The following VWA3B variants were observed in gnomAD, a reference collection of about 807,000 sequenced individuals.
The protein encoded by VWA3B is von Willebrand factor A domain-containing protein 3B.
A neutral mutation model predicts 158.3 loss-of-function variants in VWA3B; 138 were observed. That is an observed-to-expected ratio of 0.87 (90% confidence interval 0.76 to 1.00). The LOEUF is 1.00. Ranked by LOEUF, VWA3B falls within the 50% of genes least tolerant of loss-of-function variation. The pLI, the probability that VWA3B is intolerant of heterozygous loss-of-function variation, is 0.00. For synonymous variants in VWA3B, 596 were observed against 587.3 expected (o/e 1.01, Z -0.21); for missense variants, 1,555 against 1,565.1 (o/e 0.99, Z 0.11).
intron 8 of VWA3B, among the ~76,000 whole-genome samples, chr2:98,167,694 T>G (rs1029133586): frequency 1.3e-5 from 2 of 152,192 alleles, no homozygotes; most frequent in African/African-American, 2.4e-5. Context: ...AGAATTCATT[T>G]GAATACTGAT....
At chr2:98,193,826 G>T (rs1332714457) in intron 11 of VWA3B, among the ~76,000 whole-genome samples, 1 of 151,870 alleles carries the variant, frequency 6.6e-6, no homozygotes, top group Non-Finnish European at 1.5e-5. Flanking sequence ...CTGACCTCGT[G>T]ATCCGCCCGC....
intron 11 of VWA3B, among the ~76,000 whole-genome samples, chr2:98,193,868 G>A (rs1425823899): frequency 6.6e-6 from 1 of 152,174 alleles, no homozygotes; most frequent in Non-Finnish European, 1.5e-5. Context: ...GACTACAGGC[G>A]TGAGCCACCG....
intron 22 of VWA3B, among the ~76,000 whole-genome samples, chr2:98,272,508 G>T (rs950013050): frequency 6.6e-6 from 1 of 152,058 alleles, no homozygotes; most frequent in Non-Finnish European, 1.5e-5. Flanking sequence ...AGGGATGATC[G>T]ATTAAAGCAT....
At chr2:98,215,987 A>T (rs1683955549) in intron 13 of VWA3B, among the ~76,000 whole-genome samples, 1 of 152,084 alleles carries the variant, frequency 6.6e-6, no homozygotes, top group African/African-American at 2.4e-5. Context: ...CTCAATTTCC[A>T]TTTTTTGCTT....
intron 19 of VWA3B, among the ~76,000 whole-genome samples, chr2:98,243,313 T>A (rs922847348): frequency 6.6e-6 from 1 of 152,078 alleles, no homozygotes; most frequent in African/African-American, 2.4e-5. Context: ...TTCTACAAGT[T>A]TAGATTGAAA....
chr2:98,099,344 G>C (rs978603815), intron 2 of VWA3B: 2 of 152,184 alleles, frequency 1.3e-5, no homozygotes, highest in Non-Finnish European at 1.5e-5. Flanking sequence ...GCTTTGGTGA[G>C]TACAGAATTC....
intron 8 of VWA3B, among the ~76,000 whole-genome samples, chr2:98,170,755 C>T (rs577488005): frequency 7.9e-5 from 12 of 152,004 alleles, no homozygotes; most frequent in East Asian, 1.9e-4. Context: ...TACAGGTGTG[C>T]GCCACCATGC....
intron 7 of VWA3B, among the ~76,000 whole-genome samples, chr2:98,136,581 G>A (rs144814794): frequency 1.4e-3 from 211 of 150,408 alleles, no homozygotes; most frequent in African/African-American, 4.9e-3. Flanking sequence ...GCACCCTCAC[G>A]GGCAGAAGAG....
intron 7 of VWA3B, among the ~76,000 whole-genome samples, chr2:98,151,792 G>A (rs1213897492): frequency 1.3e-5 from 2 of 152,178 alleles, no homozygotes; most frequent in Non-Finnish European, 2.9e-5. Flanking sequence ...CAGTTTCTGG[G>A]AGAATTAAAG....
chr2:98,170,592 G>T (rs1679500255), intron 8 of VWA3B, among the ~76,000 whole-genome samples: 1 of 150,216 alleles, frequency 6.7e-6, no homozygotes, highest in Admixed American at 6.7e-5. Context: ...GAAGTACACA[G>T]ACTCAGAGTT....
intron 7 of VWA3B, among the ~76,000 whole-genome samples, chr2:98,153,457 A>T (rs1451896284): frequency 2.6e-5 from 4 of 152,198 alleles, no homozygotes; most frequent in Non-Finnish European, 4.4e-5. Context: ...GCATGAACTA[A>T]GACTAAATAT....
chr2:98,246,879 C>G (rs1009842289), intron 19 of VWA3B, among the ~76,000 whole-genome samples: 2 of 151,844 alleles, frequency 1.3e-5, no homozygotes, highest in Non-Finnish European at 2.9e-5. Flanking sequence ...TTTGTAAATA[C>G]GAATATATTT....
intron 2 of VWA3B, among the ~76,000 whole-genome samples, chr2:98,096,113 G>A (rs189896896): frequency 3.4e-4 from 51 of 152,204 alleles, no homozygotes; most frequent in East Asian, 9.6e-4. Context: ...TGGTTTTGGC[G>A]TCAGGGTAAT....
At chr2:98,316,788 G>A (rs950088906), downstream of VWA3B, among the ~76,000 whole-genome samples, 1 of 151,990 alleles carries the variant, frequency 6.6e-6, no homozygotes, top group African/African-American at 2.4e-5. Flanking sequence ...GTTCTTAGGA[G>A]ATCGGTTGTT....
At chr2:98,270,313 G>A (rs1219156009) in intron 21 of VWA3B, among the ~76,000 whole-genome samples, 1 of 152,192 alleles carries the variant, frequency 6.6e-6, no homozygotes, top group Non-Finnish European at 1.5e-5. Context: ...GCATACTTGT[G>A]TGAAATCTCT....
chr2:98,299,007 G>T (rs1690013808), intron 24 of VWA3B, among the ~76,000 whole-genome samples: 2 of 152,216 alleles, frequency 1.3e-5, no homozygotes, highest in Admixed American at 1.3e-4. Context: ...AGGGAGGGTT[G>T]CAGGGAGACT....
intron 21 of VWA3B, among the ~76,000 whole-genome samples, chr2:98,267,693 G>A (rs1338087988): frequency 2.0e-5 from 3 of 151,922 alleles, no homozygotes; most frequent in Non-Finnish European, 4.4e-5. Flanking sequence ...TAAAATCAGA[G>A]CAGAACTGAA....
chr2:98,265,955 G>A (rs1687795393), intron 21 of VWA3B, among the ~76,000 whole-genome samples: 1 of 132,784 alleles, frequency 7.5e-6, no homozygotes, highest in African/African-American at 2.9e-5. Context: ...CCCTTTGTCA[G>A]ATGAGTAGGT....
chr2:98,192,944 C>A lies in VWA3B; in HGVS notation c.1513C>A (p.His505Asn). 6.2e-7 allele frequency: 1 copy of A among 1,614,148 alleles called. No homozygotes were observed. Among genetic ancestry groups the A allele is most frequent in the Non-Finnish European group, 8.5e-7 (1 of 1,180,030 alleles). The part of the protein sequence containing the change: ...DGSQSLFGRL[H>N]NDCIYILIDT... ...GAGTCAAAGCCTCTTTGGAAGATTG[C>A]ATAATGATTGCATCTACATTCTCAT... Residue 505 changes from histidine to asparagine, a missense_variant, in exon 11 of 28, where the codon CAT (histidine) becomes AAT (asparagine). By Grantham distance (68) the His-to-Asn change is moderately conservative. Transcript: ENST00000477737.
Sources: gnomAD v4.1 joint callset for allele counts (sites outside exome capture counted in the v4.1 genomes callset) on GRCh38, gnomAD v4.1.1 for gene constraint, MANE v1.5 for transcripts, NCBI Gene and HGNC (gene_info 2026-07-23, HGNC 2026-07-21) for gene names.